The following SNTG1 variants were observed in gnomAD, a reference collection of about 807,000 sequenced individuals.
The protein encoded by SNTG1 is syntrophin gamma 1.
SNTG1 carries 39 observed loss-of-function variants against 74.7 expected under a neutral mutation model. The ratio of observed to expected loss-of-function variants is 0.52; its 90% CI spans 0.40 to 0.68. SNTG1 has a LOEUF of 0.68. Among genes scored for constraint, SNTG1 ranks in the 30% least tolerant of loss-of-function variants. SNTG1 has a pLI of 0.00. For missense variants in SNTG1, 685 were observed against 609.5 expected (o/e 1.12, Z -1.30); for synonymous variants, 254 against 217.1 (o/e 1.17, Z -1.49).
At chr8:50,414,978 T>C (rs1489245682) in intron 4 of SNTG1, among the ~76,000 whole-genome samples, 1 of 152,194 alleles carries the variant, frequency 6.6e-6, no homozygotes, top group African/African-American at 2.4e-5. Context: ...AGGTGAACAA[T>C]AAAGATGGCT....
intron 9 of SNTG1, among the ~76,000 whole-genome samples, chr8:50,523,044 T>A (rs901015720): frequency 6.6e-6 from 1 of 152,234 alleles, no homozygotes; most frequent in Non-Finnish European, 1.5e-5. Flanking sequence ...CTTCATCTTG[T>A]AATTTTATAT....
chr8:50,728,469 T>C (rs1056618300), intron 17 of SNTG1, among the ~76,000 whole-genome samples: 2 of 152,172 alleles, frequency 1.3e-5, no homozygotes, highest in African/African-American at 4.8e-5. Flanking sequence ...AGAGTGTGTG[T>C]CTATTCATGT....
At chr8:50,227,182 T>C (rs890169609) in intron 2 of SNTG1, among the ~76,000 whole-genome samples, 10 of 152,114 alleles carry the variant, frequency 6.6e-5, no homozygotes. Context: ...ATTGCTTCTG[T>C]GGAGAAGAAG....
At position 50,632,671 on chromosome 8, in the gene SNTG1, AAAT is replaced by A. The variant is rs2095009699; in HGVS notation, c.850-24232_850-24230del. Among the ~76,000 whole-genome samples the A allele has an allele frequency of 2.0e-5, 3 of 152,216 alleles. No homozygotes were observed. The South Asian group carries it at 6.2e-4, about 31-fold the overall frequency. On this transcript the variant is annotated intron_variant, in intron 13 of 18. Coordinates refer to ENST00000642720, the MANE Select transcript of SNTG1 (RefSeq NM_018967.5). ...TATTTTATATGCTATTACTATTATG[AAAT>A]AATAAATAAGTAAAACAAGTAAATC...
intron 11 of SNTG1, among the ~76,000 whole-genome samples, chr8:50,543,680 C>T (rs904056689): frequency 6.6e-6 from 1 of 152,076 alleles, no homozygotes; most frequent in Admixed American, 6.6e-5. Flanking sequence ...TGGAAGCATA[C>T]ATTTCCATTT....
At chr8:50,410,059 C>T (rs2092927526) in intron 4 of SNTG1, among the ~76,000 whole-genome samples, 1 of 152,170 alleles carries the variant, frequency 6.6e-6, no homozygotes, top group East Asian at 1.9e-4. Flanking sequence ...ACCACAATTT[C>T]CTGAAGATGA....
intron 2 of SNTG1, among the ~76,000 whole-genome samples, chr8:50,284,723 A>G (rs2088666665): frequency 6.6e-6 from 1 of 152,154 alleles, no homozygotes; most frequent in Non-Finnish European, 1.5e-5. Flanking sequence ...GCTCACTGAC[A>G]GAGTAAAGAA....
At chr8:50,515,208 A>C (rs2094120886) in intron 9 of SNTG1, among the ~76,000 whole-genome samples, 1 of 151,892 alleles carries the variant, frequency 6.6e-6, no homozygotes, top group Admixed American at 6.6e-5. Context: ...ATATAGCAAT[A>C]AAACAAGACA....
At chr8:50,142,966 C>T (rs1158678282) in intron 1 of SNTG1, among the ~76,000 whole-genome samples, 8 of 151,828 alleles carry the variant, frequency 5.3e-5, no homozygotes, top group African/African-American at 1.2e-4. Flanking sequence ...CCCAGCTACT[C>T]GGGAGGCTGA....
At chr8:50,393,422 A>G (rs1475611813) in intron 2 of SNTG1, among the ~76,000 whole-genome samples, 1 of 152,168 alleles carries the variant, frequency 6.6e-6, no homozygotes, top group African/African-American at 2.4e-5. Context: ...GGAATTAATC[A>G]TTCATCTTAC....
chr8:50,106,412 G>A (rs2080373303), intron 1 of SNTG1, among the ~76,000 whole-genome samples: 1 of 152,188 alleles, frequency 6.6e-6, no homozygotes, highest in South Asian at 2.1e-4. Flanking sequence ...TGAGATTTGG[G>A]TGGGGACACA....
chr8:50,169,062 A>G (rs1282003106), intron 1 of SNTG1, among the ~76,000 whole-genome samples: 1 of 152,176 alleles, frequency 6.6e-6, no homozygotes, highest in Non-Finnish European at 1.5e-5. Context: ...TCACATTTTT[A>G]TATAGATGAG....
intron 17 of SNTG1, among the ~76,000 whole-genome samples, chr8:50,711,369 T>C (rs1165483049): frequency 6.6e-6 from 1 of 152,216 alleles, no homozygotes; most frequent in Non-Finnish European, 1.5e-5. Flanking sequence ...GCTTTGTCCT[T>C]CTGCACTTCA....
chr8:50,348,945 C>A (rs950524482), intron 2 of SNTG1, among the ~76,000 whole-genome samples: 1 of 152,176 alleles, frequency 6.6e-6, no homozygotes. Context: ...TTACAACAGC[C>A]TACCCTGTAG....
chr8:50,340,430 G>A (rs1238829048), intron 2 of SNTG1, among the ~76,000 whole-genome samples: 1 of 151,970 alleles, frequency 6.6e-6, no homozygotes, highest in Non-Finnish European at 1.5e-5. Context: ...CACAAATGTA[G>A]TCAATTGATC....
chr8:50,389,768 T>A (rs1295229990), intron 2 of SNTG1, among the ~76,000 whole-genome samples: 1 of 152,244 alleles, frequency 6.6e-6, no homozygotes, highest in African/African-American at 2.4e-5. Flanking sequence ...TTTTTAATGA[T>A]CGCCATTCTA....
At chr8:50,228,833 G>A (rs2085472172) in intron 2 of SNTG1, among the ~76,000 whole-genome samples, 1 of 151,768 alleles carries the variant, frequency 6.6e-6, no homozygotes, top group Admixed American at 6.6e-5. Context: ...CCTGTAGAAA[G>A]AAAGGGAGAG....
chr8:50,570,975 A>G (rs1031959323), intron 12 of SNTG1, among the ~76,000 whole-genome samples: 2 of 151,934 alleles, frequency 1.3e-5, no homozygotes, highest in African/African-American at 4.8e-5. Context: ...CACTCCCACC[A>G]CCAGCGTACA....
At chr8:50,051,212 G>C (rs1222117033) in intron 1 of SNTG1, among the ~76,000 whole-genome samples, 1 of 147,796 alleles carries the variant, frequency 6.8e-6, no homozygotes, top group Non-Finnish European at 1.5e-5. Context: ...TTACACCAGA[G>C]GACATTATCT....
Sources: gnomAD v4.1 joint callset for allele counts (sites outside exome capture counted in the v4.1 genomes callset) on GRCh38, gnomAD v4.1.1 for gene constraint, MANE v1.5 for transcripts, NCBI Gene and HGNC (gene_info 2026-07-23, HGNC 2026-07-21) for gene names.